TMPRSS12: variants seen among roughly 807,000 people sequenced by gnomAD.
TMPRSS12 encodes the protein transmembrane serine protease 12, also known as transmembrane protease serine 12.
A neutral mutation model predicts 26.0 loss-of-function variants in TMPRSS12; 25 were observed. The ratio of observed to expected loss-of-function variants is 0.96; its 90% CI spans 0.70 to 1.34. The LOEUF (loss-of-function observed/expected upper bound fraction) is 1.34. TMPRSS12 is among the 40% of genes most tolerant of loss of function. The probability of loss-of-function intolerance (pLI) is 0.00; values close to 1 mark genes in which losing one functional copy is unlikely to be tolerated. For missense variants in TMPRSS12, 441 were observed against 440.1 expected (o/e 1.00, Z -0.02); for synonymous variants, 150 against 161.7 (o/e 0.93, Z 0.55).
At chr12:50,874,800 G>T (rs565702924) in intron 3 of TMPRSS12, among the ~76,000 whole-genome samples, 1 of 151,740 alleles carries the variant, frequency 6.6e-6, no homozygotes, top group Non-Finnish European at 1.5e-5. Context: ...TCAAGAATGC[G>T]ATGTCATTTA....
At chr12:50,854,208 A>G (rs1166086469) in intron 2 of TMPRSS12, among the ~76,000 whole-genome samples, 2 of 152,224 alleles carry the variant, frequency 1.3e-5, no homozygotes, top group Non-Finnish European at 2.9e-5. Flanking sequence ...AACTAAAAAC[A>G]AAAACCACAT....
chr12:50,872,595 C>T (rs1352248118), intron 3 of TMPRSS12, among the ~76,000 whole-genome samples: 13 of 119,692 alleles, frequency 1.1e-4, no homozygotes, highest in Non-Finnish European at 3.4e-5. Context: ...ATATATATGA[C>T]GTATATGTAC....
chr12:50,858,700 C>A, intron 2 of TMPRSS12, 85 bp from the exon 3 acceptor site: 1 of 1,081,614 alleles, frequency 9.2e-7, no homozygotes, highest in Non-Finnish European at 1.2e-6. Flanking sequence ...ATTAATCTAA[C>A]ATGAGAAGAA....
chr12:50,885,283 T>C lies in TMPRSS12; in HGVS notation c.690T>C (p.His230=). The C allele has an allele frequency of 1.2e-6, 2 of 1,610,806 alleles. No individual in the cohort carries two copies. Among genetic ancestry groups the C allele is most frequent in the East Asian group, 2.2e-5 (1 of 44,814 alleles). The stretch of plus-strand genomic sequence containing the variant: ...ATATTTTACAAGATGCAGAAGTGCA[T>C]TATATTTCTCGAGAGATGTGTAATT... ...ATNILQDAEV[H]YISREMCNSE... Residue 230 remains histidine, a synonymous_variant, in exon 4 of 5, where the codon CAT becomes CAC. Coordinates refer to ENST00000398458, the MANE Select transcript of TMPRSS12 (RefSeq NM_182559.3).
chr12:50,873,301 T>C (rs1211182790), intron 3 of TMPRSS12, among the ~76,000 whole-genome samples: 1 of 151,854 alleles, frequency 6.6e-6, no homozygotes, highest in Non-Finnish European at 1.5e-5. Flanking sequence ...TTTACTCTTG[T>C]AACCAAACAC....
At chr12:50,867,670 T>C (rs1938004366) in intron 3 of TMPRSS12, among the ~76,000 whole-genome samples, 1 of 152,202 alleles carries the variant, frequency 6.6e-6, no homozygotes, top group South Asian at 2.1e-4. Flanking sequence ...AGGCACACTG[T>C]CATCAGGTTA....
At chr12:50,846,722 G>GC in intron 2 of TMPRSS12, among the ~76,000 whole-genome samples, 1 of 152,012 alleles carries the variant, frequency 6.6e-6, no homozygotes. Context: ...GGGACTACAG[G>GC]TGTGCACCAC....
intron 3 of TMPRSS12, among the ~76,000 whole-genome samples, chr12:50,862,722 C>T (rs561862880): frequency 6.6e-5 from 10 of 152,136 alleles, no homozygotes; most frequent in Admixed American, 1.3e-4. Context: ...GATGGAATTT[C>T]GCCATGTTGG....
At chr12:50,879,430 T>G (rs1938143941) in intron 3 of TMPRSS12, among the ~76,000 whole-genome samples, 1 of 152,256 alleles carries the variant, frequency 6.6e-6, no homozygotes, top group African/African-American at 2.4e-5. Context: ...CATAACCAAC[T>G]GGCTTTTTGC....
intron 3 of TMPRSS12, among the ~76,000 whole-genome samples, chr12:50,870,420 C>G (rs929636314): frequency 4.0e-5 from 6 of 151,840 alleles, no homozygotes; most frequent in African/African-American, 1.5e-4. Flanking sequence ...GATTAAAACT[C>G]TCAGCAAAAT....
At chr12:50,847,302 C>T (rs1461738344) in intron 2 of TMPRSS12, among the ~76,000 whole-genome samples, 1 of 151,904 alleles carries the variant, frequency 6.6e-6, no homozygotes, top group African/African-American at 2.4e-5. Flanking sequence ...CGTGATCCGC[C>T]CGTCTCGGCC....
chr12:50,859,885 A>C (rs561978443), intron 3 of TMPRSS12, among the ~76,000 whole-genome samples: 4 of 152,334 alleles, frequency 2.6e-5, no homozygotes, highest in African/African-American at 7.2e-5. Flanking sequence ...CTCCATCATT[A>C]AGTGATGCCT....
In TMPRSS12 at chr12:50,843,927, G is replaced by A. The variant is rs780127359; in HGVS notation, c.273G>A (p.Trp91Ter). The A allele has an allele frequency of 1.3e-6, 2 of 1,591,136 alleles. No individual in the cohort carries two copies. Reference protein sequence around the residue: ...GTEAQAGAWPWVVSLQIKYGR... With the variant: ...GTEAQAGAWP ...AAGCACAAGCTGGCGCATGGCCGTG[G>A]GTGGTGAGCCTGCAGATTAAATATG... Residue 91 changes from tryptophan (W) to a stop codon, truncating the protein, a stop_gained, in exon 2 of 5, where the codon TGG (tryptophan) becomes TGA (stop). Coordinates refer to ENST00000398458, the MANE Select transcript of TMPRSS12 (RefSeq NM_182559.3). LOFTEE classifies it high-confidence loss of function.
At chr12:50,871,760 C>A (rs1039750548) in intron 3 of TMPRSS12, among the ~76,000 whole-genome samples, 1 of 151,872 alleles carries the variant, frequency 6.6e-6, no homozygotes, top group African/African-American at 2.4e-5. Context: ...AAAATCCCAT[C>A]AAAAAATAGG....
chr12:50,851,815 A>C (rs1224013798), intron 2 of TMPRSS12, among the ~76,000 whole-genome samples: 1 of 152,242 alleles, frequency 6.6e-6, no homozygotes, highest in African/African-American at 2.4e-5. Flanking sequence ...GGTTGCTTAC[A>C]ACAGGAATCC....
chr12:50,884,635 G>A lies in TMPRSS12; in HGVS notation c.653-611G>A, dbSNP rs183324087. ...ACCTGTAATCCTAGCACTTTGGGAG[G>A]CCGAGATGAGTGGATCACTTGAAGT... On this transcript the variant is annotated intron_variant, in intron 3 of 4. Coordinates refer to ENST00000398458, the MANE Select transcript of TMPRSS12 (RefSeq NM_182559.3). Among the ~76,000 whole-genome samples the A allele has an allele frequency of 3.9e-3, 586 of 152,202 alleles. 5 individuals are homozygous for A. The highest frequency in any genetic ancestry group is 7.4e-3 in the Non-Finnish European group (502 of 68,004).
Position 50,853,407 on chromosome 12 carries a change from TAGAGG to T in TMPRSS12, c.384-5376_384-5372del, listed in dbSNP as rs1432562617. ...CAAACTAACAACCTAACATCATACC[TAGAGG>T]AATGAGAAAAATGAACAAACCAACC... On this transcript the variant is annotated intron_variant, in intron 2 of 4. Coordinates refer to ENST00000398458, the MANE Select transcript of TMPRSS12 (RefSeq NM_182559.3). Among the ~76,000 whole-genome samples, 14 of 151,594 alleles carry T rather than the reference TAGAGG, an allele frequency of 9.2e-5. No homozygotes were observed. The South Asian group carries it at 2.1e-3, about 22-fold the overall frequency.
intron 2 of TMPRSS12, among the ~76,000 whole-genome samples, chr12:50,849,836 T>G (rs182696205): frequency 2.6e-4 from 39 of 152,326 alleles, no homozygotes; most frequent in African/African-American, 7.9e-4. Flanking sequence ...TACAGTCATG[T>G]GATTACCAAT....
intron 3 of TMPRSS12, among the ~76,000 whole-genome samples, chr12:50,862,240 G>C (rs1937943705): frequency 6.6e-6 from 1 of 152,170 alleles, no homozygotes; most frequent in South Asian, 2.1e-4. Context: ...TACATACCAA[G>C]CTCCCCACTG....
Sources: allele counts gnomAD v4.1 joint callset (sites outside exome capture counted in the v4.1 genomes callset), GRCh38; gene constraint gnomAD v4.1.1; transcripts MANE v1.5; gene names NCBI Gene and HGNC (gene_info 2026-07-23, HGNC 2026-07-21).